NRDE2: variants seen among roughly 807,000 people sequenced by gnomAD.
NRDE2 encodes the protein nuclear exosome regulator NRDE2.
Under a neutral mutation model 124.2 loss-of-function variants are expected in NRDE2, and 76 were observed. That is an observed-to-expected ratio of 0.61 (90% CI 0.51 to 0.74). NRDE2 has a LOEUF of 0.74. NRDE2 is among the 30% of genes least tolerant of loss of function. The pLI is 0.00. For missense variants in NRDE2, 1,314 were observed against 1,417.3 expected (o/e 0.93, Z 1.17); for synonymous variants, 489 against 528.1 (o/e 0.93, Z 1.01).
intron 3 of NRDE2, among the ~76,000 whole-genome samples, chr14:90,314,049 G>A (rs1292303565): frequency 6.6e-6 from 1 of 152,220 alleles, no homozygotes; most frequent in African/African-American, 2.4e-5. Context: ...GACCGCCCCT[G>A]AGGAGTCAAC....
chr14:90,274,829 CA>C lies in NRDE2; in HGVS notation c.*3506del, dbSNP rs1566678106. 0.053 allele frequency: 5,251 copies of C among 99,770 alleles called. 118 individuals are homozygous for C. The highest frequency in any genetic ancestry group is 0.1 in the Middle Eastern group (20 of 194). The allele number at this position is 99,770 out of a possible 1,614,324, so 6.2% of individuals were successfully genotyped here. Reference sequence around the variant, plus strand: ...ACACACACACACACACACACACACACACACACACACCCCAATACATATGAAT... The same window carrying C: ...ACACACACACACACACACACACACACCACACACACCCCAATACATATGAAT... On this transcript the variant is annotated 3_prime_UTR_variant, in exon 14 of 14. Coordinates refer to ENST00000354366, the MANE Select transcript of NRDE2 (RefSeq NM_017970.4).
intron 8 of NRDE2, among the ~76,000 whole-genome samples, chr14:90,296,046 G>A (rs1473570574): frequency 6.6e-6 from 1 of 152,194 alleles, no homozygotes; most frequent in Non-Finnish European, 1.5e-5. Flanking sequence ...CTTATCAGAA[G>A]TAAAATTAGT....
chr14:90,272,866 TG>T lies in NRDE2; in HGVS notation c.*5469del, dbSNP rs756988516. ...TTAAATAATAAAGGCTGCGTTAATG[TG>T]GCTATTGCTTCCAAAGGAAGTACAG... On this transcript the variant is annotated 3_prime_UTR_variant, in exon 14 of 14. Transcript: ENST00000354366. The surrounding 1 kb of genome is among the most constrained non-coding windows in gnomAD (Gnocchi z 4.5). 3.7e-3 allele frequency: 568 copies of T among 153,250 alleles called. 2 individuals carry two copies. Among genetic ancestry groups the T allele is most frequent in the African/African-American group, 0.013 (532 of 41,584 alleles). The allele number at this position is 153,250 out of a possible 1,614,324, so 9.5% of individuals were successfully genotyped here. A position where few individuals can be genotyped will look rare whatever the true frequency, so the allele number is the denominator to read the frequency against.
rs774651059 is a variant in NRDE2 at position 90,279,053 on chromosome 14, A to G, written c.3369+9T>C. 12 of 1,599,882 alleles carry G rather than the reference A, an allele frequency of 7.5e-6. No homozygotes were observed. In the Admixed American group the frequency reaches 8.3e-5, roughly 11 times the overall value. On this transcript the variant is annotated intron_variant, in intron 13 of 13. Transcript: ENST00000354366. The stretch of plus-strand genomic sequence containing the variant: ...GGAAGCTGAAGACACCATGGCCTTT[A>G]ACACTTACCTTTGCCCAAGGGCAAT...
rs372358811 is a variant in NRDE2 at position 90,318,072 on chromosome 14, T to C, written c.106A>G (p.Ile36Val). 11 of 1,614,106 alleles carry C rather than the reference T, an allele frequency of 6.8e-6. No individual in the cohort carries two copies. The highest frequency in any genetic ancestry group is 9.3e-6 in the Non-Finnish European group (11 of 1,180,046). Residue 36 changes from isoleucine (I) to valine (V), a missense_variant, in exon 2 of 14, where the codon ATA (isoleucine) becomes GTA (valine). By Grantham distance (29) the Ile-to-Val change is conservative. Transcript: ENST00000354366. ...TCAGTTTGTTGGCTCAGGGACGTTA[T>C]GGATCCAACACAAAAGCTTGGGTTG... ...LSNPSFCVGS[I>V]TSLSQQTEAA...
intron 4 of NRDE2, among the ~76,000 whole-genome samples, chr14:90,309,244 C>T (rs1884734648): frequency 6.6e-6 from 1 of 151,230 alleles, no homozygotes. Flanking sequence ...GAATTAAATC[C>T]AAAGCGCCAG....
intron 8 of NRDE2, among the ~76,000 whole-genome samples, chr14:90,294,063 G>C (rs1051624713): frequency 6.6e-6 from 1 of 152,110 alleles, no homozygotes; most frequent in Non-Finnish European, 1.5e-5. Flanking sequence ...TCAGTAGGTT[G>C]AACAGTTAAG....
chr14:90,301,640 G>C (rs1055826997), intron 6 of NRDE2: 1 of 446,388 alleles, frequency 2.2e-6, no homozygotes, highest in African/African-American at 2.0e-5. Context: ...AATAAGTCAA[G>C]AGGTTGGTCT....
intron 12 of NRDE2, among the ~76,000 whole-genome samples, chr14:90,284,347 T>TC (rs1221990194): frequency 1.3e-5 from 2 of 150,568 alleles, no homozygotes; most frequent in Non-Finnish European, 2.9e-5. Flanking sequence ...TTGTTTTTTT[T>TC]CTATTTTTTT....
intron 2 of NRDE2, 30 bp from the exon 3 acceptor site, chr14:90,316,841 T>C: frequency 7.0e-7 from 1 of 1,435,296 alleles, no homozygotes; most frequent in Non-Finnish European, 9.6e-7. Context: ...TTAAAATTAC[T>C]TTCTAAAAAG....
intron 6 of NRDE2, chr14:90,301,769 C>G (rs375088145): frequency 4.4e-6 from 2 of 456,210 alleles, no homozygotes; most frequent in African/African-American, 4.0e-5. Context: ...GATGGCATTA[C>G]TCACCAGCAA....
chr14:90,274,823 CACACACACACA>C lies in NRDE2; in HGVS notation c.*3502_*3512del, dbSNP rs1199203331. The C allele has an allele frequency of 2.2e-5, 2 of 90,998 alleles. No individual in the cohort carries two copies. The highest frequency in any genetic ancestry group is 2.3e-4 in the Admixed American group (2 of 8,860). 5.6% of individuals were successfully genotyped at this position (90,998 alleles called of 1,614,324 possible). ...ACACACACACACACACACACACACA[CACACACACACA>C]CACACCCCAATACATATGAATTGAT... On this transcript the variant is annotated 3_prime_UTR_variant, in exon 14 of 14. Coordinates refer to ENST00000354366, the MANE Select transcript of NRDE2 (RefSeq NM_017970.4).
At chr14:90,287,918 G>A (rs1892151144) in intron 11 of NRDE2, among the ~76,000 whole-genome samples, 1 of 152,044 alleles carries the variant, frequency 6.6e-6, no homozygotes. Context: ...CTTTCGTGAC[G>A]GCTTCTCAGC....
intron 1 of NRDE2, among the ~76,000 whole-genome samples, chr14:90,324,382 A>G (rs1464944713): frequency 1.3e-5 from 2 of 152,138 alleles, no homozygotes; most frequent in South Asian, 2.1e-4. Flanking sequence ...GCGTTTAAGA[A>G]CACACATTTT....
chr14:90,270,420 GC>G lies in NRDE2; in HGVS notation c.*7915del. 1 of 1,513,724 alleles carries G rather than the reference GC, an allele frequency of 6.6e-7. No individual in the cohort carries two copies. The highest frequency in any genetic ancestry group is 8.9e-7 in the Non-Finnish European group (1 of 1,126,802). 93.8% of individuals were successfully genotyped at this position (1,513,724 alleles called of 1,614,324 possible). ...GTCAATCAGGAAAGAGTCTATATGT[GC>G]TCTTGGGATGGTGGTTGGCCTGGAC... is the stretch of plus-strand genomic sequence containing the variant. On this transcript the variant is annotated 3_prime_UTR_variant, in exon 14 of 14. Transcript: ENST00000354366.
At chr14:90,296,457 C>T (rs1219625927) in intron 8 of NRDE2, among the ~76,000 whole-genome samples, 1 of 152,166 alleles carries the variant, frequency 6.6e-6, no homozygotes, top group Non-Finnish European at 1.5e-5. Context: ...ATGATCACTG[C>T]CTGACAGCAC....
chr14:90,271,297 C>T lies in NRDE2; in HGVS notation c.*7039G>A, dbSNP rs1595046985. The T allele has an allele frequency of 6.6e-6, 1 of 152,062 alleles. No individual in the cohort carries two copies. Among genetic ancestry groups the T allele is most frequent in the Non-Finnish European group, 1.5e-5 (1 of 67,996 alleles). The allele number at this position is 152,062 out of a possible 1,614,324, so 9.4% of individuals were successfully genotyped here. On this transcript the variant is annotated 3_prime_UTR_variant, in exon 14 of 14. Transcript: ENST00000354366. ...TTGTTTTTGCCACAGTAATTACTGG[C>T]CAAAAGAAAAAGAAAACAATAACAG... is the stretch of plus-strand genomic sequence containing the variant.
chr14:90,290,416 A>T lies in NRDE2; in HGVS notation c.2034T>A (p.Thr678=), dbSNP rs3742671. ...CCCCAGAAAACAAAGGGTTGAAAAAAGTCAAGGGCTTTTCATCATAAAGTC... is the reference window on the plus strand; with the variant it reads ...CCCCAGAAAACAAAGGGTTGAAAAATGTCAAGGGCTTTTCATCATAAAGTC... ...DNGLYDEKPL[T]FFNPLFSGAS... Residue 678 remains threonine, a synonymous_variant, in exon 10 of 14, where the codon ACT becomes ACA. Transcript: ENST00000354366. 303,878 of 1,613,890 alleles carry T rather than the reference A, an allele frequency of 0.19. 30,335 individuals are homozygous for T. Among genetic ancestry groups the T allele is most frequent in the South Asian group, 0.23 (20,667 of 91,080 alleles).
intron 7 of NRDE2, 99 bp downstream of exon 7, chr14:90,301,140 C>A (rs1246116628): frequency 8.3e-7 from 1 of 1,200,964 alleles, no homozygotes; most frequent in Non-Finnish European, 1.2e-6. Flanking sequence ...ACCACACCAC[C>A]TCTCATTATC....
Sources: allele counts gnomAD v4.1 joint callset (sites outside exome capture counted in the v4.1 genomes callset), GRCh38; gene constraint gnomAD v4.1.1; non-coding constraint Gnocchi (gnomAD v3.1); transcripts MANE v1.5; gene names NCBI Gene and HGNC (gene_info 2026-07-23, HGNC 2026-07-21).